The following FYTTD1 variants were observed in gnomAD, a reference collection of about 807,000 sequenced individuals.
The protein encoded by FYTTD1 is UAP56-interacting factor.
Under a neutral mutation model 40.9 loss-of-function variants are expected in FYTTD1, and 22 were observed. The observed-to-expected ratio is 0.54, with a 90% CI of 0.38 to 0.77. The LOEUF is 0.77. Ranked by LOEUF, FYTTD1 falls within the 30% of genes least tolerant of loss-of-function variation. The probability of loss-of-function intolerance (pLI) is 0.00; values close to 1 mark genes in which losing one functional copy is unlikely to be tolerated. For synonymous variants in FYTTD1, 140 were observed against 137.9 expected (o/e 1.01, Z -0.10); for missense variants, 351 against 392.2 (o/e 0.90, Z 0.89).
rs367855788 is a variant in FYTTD1, at chr3:197,756,342, C to T, written c.104-84C>T. On this transcript the variant is annotated intron_variant, in intron 1 of 8. Coordinates refer to ENST00000241502, the MANE Select transcript of FYTTD1 (RefSeq NM_032288.7). ...TTCAAAGTAGAAAAGAAGTTAGGAA[C>T]GTAGGACATCTATCAGCTAGAAAAC... 877 of 919,842 alleles carry T rather than the reference C, an allele frequency of 9.5e-4. 5 individuals are homozygous for T. In the African/African-American group the frequency reaches 0.012, roughly 13 times the overall value. 57.0% of individuals were successfully genotyped at this position (919,842 alleles called of 1,614,324 possible). A position where few individuals can be genotyped will look rare whatever the true frequency, so the allele number is the denominator to read the frequency against.
intron 8 of FYTTD1, among the ~76,000 whole-genome samples, chr3:197,779,073 C>T (rs765251251): frequency 5.3e-5 from 8 of 152,088 alleles, no homozygotes; most frequent in Admixed American, 1.3e-4. Flanking sequence ...ATCTGCTGTT[C>T]GACTATAGCC....
In FYTTD1 at chr3:197,787,072, T is replaced by TA. The variant is rs1730168845; in HGVS notation, c.*5164dup. On this transcript the variant is annotated 3_prime_UTR_variant, in exon 9 of 9. Coordinates refer to ENST00000241502, the MANE Select transcript of FYTTD1 (RefSeq NM_032288.7). ...CCTCAGCTTCCCAAAGTGCTGGGAT[T>TA]ACAGGTGTGAGCCACCACGCCCGCC... The TA allele has an allele frequency of 6.6e-6, 1 of 152,234 alleles. No homozygotes were observed. Among genetic ancestry groups the TA allele is most frequent in the African/African-American group, 2.4e-5 (1 of 41,286 alleles). 9.4% of individuals were successfully genotyped at this position (152,234 alleles called of 1,614,324 possible).
intron 1 of FYTTD1, 58 bp from the exon 2 acceptor site, chr3:197,756,368 G>T (rs1325618236): frequency 3.0e-6 from 4 of 1,317,098 alleles, no homozygotes; most frequent in Non-Finnish European, 4.3e-6. Flanking sequence ...GCTAGAAAAC[G>T]AAACTGAGTA....
At chr3:197,774,328 C>A in intron 6 of FYTTD1, 118 bp downstream of exon 6, 1 of 856,462 alleles carries the variant, frequency 1.2e-6, no homozygotes, top group South Asian at 1.5e-5. Flanking sequence ...AAAATTCAGT[C>A]TGAAAGCTGG....
At chr3:197,756,303 C>T (rs1729211949) in intron 1 of FYTTD1, 123 bp from the exon 2 acceptor site, 2 of 698,940 alleles carry the variant, frequency 2.9e-6, no homozygotes, top group African/African-American at 3.6e-5. Flanking sequence ...TTATTATCCT[C>T]TTATGGAAGT....
chr3:197,753,359 T>C (rs749236746), intron 1 of FYTTD1, among the ~76,000 whole-genome samples: 3 of 152,200 alleles, frequency 2.0e-5, no homozygotes, highest in Non-Finnish European at 4.4e-5. Flanking sequence ...ACTTATTTCA[T>C]AGGATTGTTG....
rs1730054294 is a variant in FYTTD1 at position 197,782,480 on chromosome 3, A to C, written c.*571A>C. 6.6e-6 allele frequency: 1 copy of C among 152,244 alleles called. No homozygotes were observed. The highest frequency in any genetic ancestry group is 6.5e-5 in the Admixed American group (1 of 15,286). 9.4% of individuals were successfully genotyped at this position (152,244 alleles called of 1,614,324 possible). ...AGACGGTGTAAAGTCCCCTGGAATT[A>C]CACAGCTTTAGTGCTGAGCTTTTAA... On this transcript the variant is annotated 3_prime_UTR_variant, in exon 9 of 9. Transcript: ENST00000241502.
rs778973614 is a variant in FYTTD1, at chr3:197,770,235, T to C, written c.488T>C (p.Leu163Pro). Residue 163 changes from leucine to proline, a missense_variant, in exon 4 of 9, where the codon CTA becomes CCA. Coordinates refer to ENST00000241502, the MANE Select transcript of FYTTD1 (RefSeq NM_032288.7). ...GCAGTTCTCAAGAGACCTAGCCAGC[T>C]AAGCAGAAAGTAAGTGCTCAAAAAT... is the stretch of plus-strand genomic sequence containing the variant. ...PVAVLKRPSQ[L>P]SRKNNIPANF... 4.4e-6 allele frequency: 7 copies of C among 1,600,164 alleles called. No homozygotes were observed. Among genetic ancestry groups the C allele is most frequent in the Non-Finnish European group, 6.0e-6 (7 of 1,169,322 alleles).
intron 1 of FYTTD1, chr3:197,750,763 G>C: frequency 1.0e-6 from 1 of 985,550 alleles, no homozygotes. Context: ...GCTAGCTAAT[G>C]GGGGAGAAAG....
chr3:197,768,378 C>A, intron 2 of FYTTD1, 61 bp from the exon 3 acceptor site: 1 of 1,254,440 alleles, frequency 8.0e-7, no homozygotes, highest in South Asian at 1.5e-5. Flanking sequence ...ATAGAATATC[C>A]TGTGACCGTC....
intron 1 of FYTTD1, among the ~76,000 whole-genome samples, chr3:197,755,162 T>C (rs1729176699): frequency 6.6e-6 from 1 of 152,246 alleles, no homozygotes; most frequent in South Asian, 2.1e-4. Flanking sequence ...TAACTTGAAG[T>C]ACTTTGCTAG....
rs556727038 is a variant in FYTTD1 at position 197,769,680 on chromosome 3, T to C, written c.385-452T>C. ...GTCATAACTTCCCCACTTTTTCTTT[T>C]TTTTTGGCATGCATTTGTTTTGGAA... is the stretch of plus-strand genomic sequence containing the variant. On this transcript the variant is annotated intron_variant, in intron 3 of 8. Coordinates refer to ENST00000241502, the MANE Select transcript of FYTTD1 (RefSeq NM_032288.7). Among the ~76,000 whole-genome samples the C allele has an allele frequency of 1.1e-3, 165 of 152,332 alleles. 1 individual carries two copies. The highest frequency in any genetic ancestry group is 3.8e-3 in the African/African-American group (159 of 41,578).
intron 6 of FYTTD1, among the ~76,000 whole-genome samples, chr3:197,776,380 A>ATTTTTTTT (rs199559563): frequency 8.5e-6 from 1 of 117,536 alleles, no homozygotes; most frequent in Non-Finnish European, 1.8e-5. Context: ...CCCAGCTTAA[A>ATTTTTTTT]TTTGTTTTTT....
chr3:197,767,401 G>A (rs1485967481), intron 2 of FYTTD1, among the ~76,000 whole-genome samples: 1 of 149,566 alleles, frequency 6.7e-6, no homozygotes, highest in Non-Finnish European at 1.5e-5. Context: ...GCCTTCCAGA[G>A]TGCTGGGATT....
Position 197,771,075 on chromosome 3 carries a change from C to T in FYTTD1, c.497+831C>T, listed in dbSNP as rs139130492. Among the ~76,000 whole-genome samples, 236 of 152,164 alleles carry T rather than the reference C, an allele frequency of 1.6e-3. 5 individuals carry two copies. The highest frequency in any genetic ancestry group is 1.7e-3 in the East Asian group (9 of 5,160). On this transcript the variant is annotated intron_variant, in intron 4 of 8. Transcript: ENST00000241502. ...AAAACCAAAAATTATGGCCTGTGAGCTGGGTGCAGTGGCATGTGCCTGTGG... is the reference window on the plus strand; with the variant it reads ...AAAACCAAAAATTATGGCCTGTGAGTTGGGTGCAGTGGCATGTGCCTGTGG...
chr3:197,753,956 G>A (rs1369624149), intron 1 of FYTTD1, among the ~76,000 whole-genome samples: 2 of 152,048 alleles, frequency 1.3e-5, no homozygotes, highest in Admixed American at 6.6e-5. Flanking sequence ...TAGCCAGGAT[G>A]GTCTCGATCT....
intron 1 of FYTTD1, among the ~76,000 whole-genome samples, chr3:197,752,020 C>T (rs1299311584): frequency 2.0e-5 from 3 of 152,048 alleles, no homozygotes; most frequent in East Asian, 3.9e-4. Context: ...TACAGGCACA[C>T]GCCAGCGCTG....
Position 197,786,604 on chromosome 3 carries a change from A to G in FYTTD1, c.*4695A>G, listed in dbSNP as rs1294168820. 2.0e-5 allele frequency: 3 copies of G among 152,182 alleles called. No homozygotes were observed. The highest frequency in any genetic ancestry group is 4.4e-5 in the Non-Finnish European group (3 of 68,018). The allele number at this position is 152,182 out of a possible 1,614,324, so 9.4% of individuals were successfully genotyped here. A position where few individuals can be genotyped will look rare whatever the true frequency, so the allele number is the denominator to read the frequency against. On this transcript the variant is annotated 3_prime_UTR_variant, in exon 9 of 9. Transcript: ENST00000241502. ...ACTTACTCCATTTCCCTTTAATGAGAAAAGAATCATATTGTCTGAATTTTC... is the reference window on the plus strand; with the variant it reads ...ACTTACTCCATTTCCCTTTAATGAGGAAAGAATCATATTGTCTGAATTTTC...
chr3:197,772,362 A>T (rs533935758), intron 4 of FYTTD1, among the ~76,000 whole-genome samples: 1 of 152,316 alleles, frequency 6.6e-6, no homozygotes, highest in Non-Finnish European at 1.5e-5. Context: ...GAAGACATGG[A>T]ATGTTAGAGG....
Sources: allele counts gnomAD v4.1 joint callset (sites outside exome capture counted in the v4.1 genomes callset), GRCh38; gene constraint gnomAD v4.1.1; transcripts MANE v1.5; gene names NCBI Gene and HGNC (gene_info 2026-07-23, HGNC 2026-07-21).